Variants in AVEN observed in about 807,000 individuals in gnomAD.
AVEN encodes apoptosis and caspase activation inhibitor.
AVEN carries 41 observed loss-of-function variants against 38.1 expected under a neutral mutation model. The ratio of observed to expected loss-of-function variants is 1.08; its 90% CI spans 0.84 to 1.40. The LOEUF (loss-of-function observed/expected upper bound fraction) is 1.40. Ranked by LOEUF, AVEN falls within the 40% of genes most tolerant of loss-of-function variation. The pLI is 0.00. For synonymous variants in AVEN, 206 were observed against 171.8 expected, an observed-to-expected ratio of 1.20 and a Z score of -1.56; for missense variants, 605 against 438.8, an observed-to-expected ratio of 1.38 and a Z score of -3.38.
chr15:33,902,030 A>G (rs182048596), intron 2 of AVEN, among the ~76,000 whole-genome samples: 67 of 152,180 alleles, frequency 4.4e-4, no homozygotes, highest in African/African-American at 1.5e-3. Context: ...GCCTAATTTG[A>G]TATAGTTCAT....
At chr15:34,008,082 T>C (rs1897441355) in intron 1 of AVEN, among the ~76,000 whole-genome samples, 1 of 151,986 alleles carries the variant, frequency 6.6e-6, no homozygotes, top group South Asian at 2.1e-4. Context: ...CTATCAAAAT[T>C]CTTGGAAGAA....
At chr15:33,854,633 G>C (rs1028503243), downstream of AVEN, 7 of 1,219,262 alleles carry the variant, frequency 5.7e-6, no homozygotes, top group Non-Finnish European at 8.1e-6. Flanking sequence ...AGCAGATCTT[G>C]GGCCAGCTCA....
intron 2 of AVEN, among the ~76,000 whole-genome samples, chr15:33,961,409 TTTGA>T (rs766413811): frequency 6.0e-4 from 92 of 152,314 alleles, no homozygotes; most frequent in Non-Finnish European, 9.4e-4. Context: ...TGGCTAGAAT[TTTGA>T]TTCTTAAGGT....
intron 5 of AVEN, among the ~76,000 whole-genome samples, chr15:34,051,250 G>A (rs1899916392): frequency 6.6e-6 from 1 of 151,928 alleles, no homozygotes; most frequent in African/African-American, 2.4e-5. Flanking sequence ...ATGACTCCTG[G>A]GCAAATAATG....
rs116745858 is a variant in AVEN at position 33,947,445 on chromosome 15, C to T, written c.445+55587G>A. On this transcript the variant is annotated intron_variant, in intron 2 of 5. Coordinates refer to ENST00000306730, the MANE Select transcript of AVEN (RefSeq NM_020371.3). ...AAGCAAAATAGAAACATCTGTAATA[C>T]GTAGATGCGTTTGGGGACCACATCC... Among the ~76,000 whole-genome samples the T allele has an allele frequency of 3.8e-3, 579 of 152,246 alleles. 1 individual carries two copies. Among genetic ancestry groups the T allele is most frequent in the Middle Eastern group, 0.014 (4 of 294 alleles).
In AVEN at chr15:33,866,624, T is replaced by C. The variant is rs776483667; in HGVS notation, c.1078A>G (p.Met360Val). ...TTTTTTTCCCCTTTTTAGGAAATCA[T>C]GCTGTCCAACCAGTCTTCCAGCTCT... is the stretch of plus-strand genomic sequence containing the variant. Reference protein sequence around the residue: ...EEELEDWLDSMIS With the variant: ...EEELEDWLDSVIS Residue 360 changes from methionine to valine, a missense_variant, in exon 6 of 6, where the codon ATG becomes GTG. Transcript: ENST00000306730. 8.7e-6 allele frequency: 14 copies of C among 1,613,444 alleles called. No homozygotes were observed. In the Admixed American group the frequency reaches 2.3e-4, roughly 27 times the overall value.
intron 2 of AVEN, among the ~76,000 whole-genome samples, chr15:33,930,812 G>A (rs936720378): frequency 1.4e-4 from 22 of 151,958 alleles, no homozygotes; most frequent in South Asian, 2.1e-4. Context: ...AAAATTAACC[G>A]GGTGTGGTGG....
intron 5 of AVEN, among the ~76,000 whole-genome samples, chr15:34,055,461 C>T (rs571470702): frequency 7.9e-5 from 12 of 151,816 alleles, no homozygotes; most frequent in Non-Finnish European, 1.0e-4. Flanking sequence ...GCTGTGATCA[C>T]GCCACTGCAT....
intron 2 of AVEN, among the ~76,000 whole-genome samples, chr15:33,897,023 T>A (rs760173430): frequency 6.6e-6 from 1 of 152,106 alleles, no homozygotes; most frequent in Non-Finnish European, 1.5e-5. Flanking sequence ...ACAACATAGA[T>A]GAATCGCCAA....
chr15:33,986,783 A>C (rs1896493181), intron 2 of AVEN, among the ~76,000 whole-genome samples: 1 of 152,052 alleles, frequency 6.6e-6, no homozygotes, highest in African/African-American at 2.4e-5. Flanking sequence ...CAGCCGCCCG[A>C]GTAGCTGGGA....
intron 2 of AVEN, among the ~76,000 whole-genome samples, chr15:33,963,423 A>G (rs1895273425): frequency 6.6e-6 from 1 of 152,230 alleles, no homozygotes; most frequent in African/African-American, 2.4e-5. Context: ...TCACTGAGAC[A>G]GGCAGTGGCT....
chr15:33,854,636 C>A, downstream of AVEN: 2 of 1,251,184 alleles, frequency 1.6e-6, no homozygotes, highest in Non-Finnish European at 2.2e-6. Context: ...AGATCTTGGG[C>A]CAGCTCACAG....
At chr15:33,876,107 G>T (rs544704908) in intron 2 of AVEN, 112 bp from the exon 3 acceptor site, 2 of 885,816 alleles carry the variant, frequency 2.3e-6, no homozygotes, top group African/African-American at 1.7e-5. Flanking sequence ...AAACTCAAAG[G>T]GAGAGGCAAG....
chr15:33,864,116 T>G (rs1421766455), downstream of AVEN: 4 of 1,590,052 alleles, frequency 2.5e-6, no homozygotes, highest in Non-Finnish European at 3.4e-6. Context: ...GAGTATCTAA[T>G]ACTATCTTTT....
At position 34,017,489 on chromosome 15, in the gene AVEN, T is replaced by TTG. The variant is rs199658110; in HGVS notation, c.268-14281_268-14280insCA. On this transcript the variant is annotated intron_variant, in intron 1 of 5. Coordinates refer to ENST00000306730, the MANE Select transcript of AVEN (RefSeq NM_020371.3). ...TTCAGTATGATTTTTTTTTTGTTTT[T>TTG]TTTTTTTTTTTGAGACAGGGTCTTG... 9.7e-3 allele frequency among the ~76,000 whole-genome samples: 776 copies of TTG among 80,282 alleles called. 14 individuals are homozygous for TTG. Among genetic ancestry groups the TTG allele is most frequent in the African/African-American group, 0.021 (736 of 35,622 alleles). 52.7% of individuals were successfully genotyped at this position (80,282 alleles called of 152,430 possible).
At chr15:33,880,493 AC>A (rs1463456026) in intron 2 of AVEN, among the ~76,000 whole-genome samples, 5 of 152,110 alleles carry the variant, frequency 3.3e-5, no homozygotes, top group African/African-American at 1.2e-4. Context: ...TTCAGGCGGG[AC>A]CCCCTGATGA....
At chr15:33,873,471 A>ATG (rs370585710) in intron 3 of AVEN, among the ~76,000 whole-genome samples, 1 of 148,302 alleles carries the variant, frequency 6.7e-6, no homozygotes, top group Non-Finnish European at 1.5e-5. Context: ...AATTACATAT[A>ATG]TGTGTGTGTG....
At chr15:34,029,800 A>G (rs1366782776) in intron 1 of AVEN, among the ~76,000 whole-genome samples, 3 of 152,228 alleles carry the variant, frequency 2.0e-5, no homozygotes, top group South Asian at 2.1e-4. Flanking sequence ...GACTTCTTTA[A>G]TAATATAAGA....
At position 33,860,994 on chromosome 15, in the gene AVEN, C is replaced by T. The variant is rs1033525756; in HGVS notation, n.2730-1900G>A. The T allele has an allele frequency of 2.4e-4, 265 of 1,089,340 alleles. 3 individuals carry two copies. Among genetic ancestry groups the T allele is most frequent in the Non-Finnish European group, 9.6e-6 (7 of 729,444 alleles). 67.5% of individuals were successfully genotyped at this position (1,089,340 alleles called of 1,614,324 possible). On this transcript the variant is annotated intron_variant and non_coding_transcript_variant, in intron 11 of 11. Transcript: ENST00000675287. ...CATTAGAAAGAAAGTTTTCATTATC[C>T]TTCAATTCGATAGAATCATGACAGT...
Sources: allele counts gnomAD v4.1 joint callset (sites outside exome capture counted in the v4.1 genomes callset), GRCh38; gene constraint gnomAD v4.1.1; transcripts MANE v1.5; gene names NCBI Gene and HGNC (gene_info 2026-07-23, HGNC 2026-07-21).